HPSE2: variants seen among roughly 807,000 people sequenced by gnomAD.
HPSE2 encodes the protein inactive heparanase-2.
Under a neutral mutation model 60.5 loss-of-function variants are expected in HPSE2, and 38 were observed. That is an observed-to-expected ratio of 0.63 (90% confidence interval 0.48 to 0.82). The LOEUF (loss-of-function observed/expected upper bound fraction) is 0.82, where lower values mean the gene tolerates loss of function less well. Ranked by LOEUF, HPSE2 falls within the 40% of genes least tolerant of loss-of-function variation. The pLI is 0.00. For synonymous variants in HPSE2, 295 were observed against 293.2 expected (o/e 1.01, Z -0.06); for missense variants, 713 against 740.4 (o/e 0.96, Z 0.43).
chr10:99,117,434 A>C (rs1564820907), intron 3 of HPSE2, among the ~76,000 whole-genome samples: 1 of 135,256 alleles, frequency 7.4e-6, no homozygotes, highest in Non-Finnish European at 1.7e-5. Context: ...AAAAAAAAAA[A>C]AAAAAAAAAA....
At chr10:99,084,942 T>C (rs1348162373) in intron 3 of HPSE2, among the ~76,000 whole-genome samples, 1 of 152,236 alleles carries the variant, frequency 6.6e-6, no homozygotes, top group Non-Finnish European at 1.5e-5. Flanking sequence ...TAAATTTACA[T>C]ACGTCACACC....
chr10:98,747,752 T>C (rs564095237), intron 3 of HPSE2, among the ~76,000 whole-genome samples: 14 of 152,358 alleles, frequency 9.2e-5, no homozygotes, highest in African/African-American at 3.4e-4. Flanking sequence ...TGACATATTA[T>C]CTGTGACATA....
chr10:98,978,839 T>C (rs1956144559), intron 3 of HPSE2, among the ~76,000 whole-genome samples: 1 of 152,224 alleles, frequency 6.6e-6, no homozygotes, highest in Non-Finnish European at 1.5e-5. Flanking sequence ...ATAAAATTTA[T>C]TTGTAACCCT....
intron 3 of HPSE2, among the ~76,000 whole-genome samples, chr10:98,944,755 C>T (rs1276983766): frequency 2.0e-5 from 3 of 152,060 alleles, no homozygotes; most frequent in African/African-American, 7.2e-5. Context: ...AACAAGTATC[C>T]TCCTTCATTC....
At chr10:98,472,807 T>C (rs1177331517) in intron 11 of HPSE2, among the ~76,000 whole-genome samples, 1 of 139,704 alleles carries the variant, frequency 7.2e-6, no homozygotes, top group East Asian at 2.0e-4. Context: ...AATATTTCTG[T>C]ATGTCAAGAT....
the HPSE2 span, among the ~76,000 whole-genome samples, chr10:99,308,870 G>A: frequency 9.2e-5 from 14 of 152,258 alleles, no homozygotes; most frequent in South Asian, 1.0e-3. Flanking sequence ...CAAAATAGGC[G>A]ATTCTGATGA....
At chr10:98,845,801 G>A (rs1356762688) in intron 3 of HPSE2, among the ~76,000 whole-genome samples, 1 of 152,188 alleles carries the variant, frequency 6.6e-6, no homozygotes. Context: ...CTAAAATAAG[G>A]TTGGGAACTG....
chr10:99,228,305 T>C (rs1262046363), intron 2 of HPSE2, among the ~76,000 whole-genome samples: 1 of 152,180 alleles, frequency 6.6e-6, no homozygotes, highest in Non-Finnish European at 1.5e-5. Context: ...AGTTTGAACA[T>C]ATTATGTAAG....
At chr10:98,472,394 T>A (rs1461821350) in intron 11 of HPSE2, among the ~76,000 whole-genome samples, 1 of 152,170 alleles carries the variant, frequency 6.6e-6, no homozygotes, top group African/African-American at 2.4e-5. Context: ...GCAGCTTGTC[T>A]TTCCTGCTGA....
At chr10:98,938,235 C>G (rs567896456) in intron 3 of HPSE2, among the ~76,000 whole-genome samples, 1 of 144,872 alleles carries the variant, frequency 6.9e-6, no homozygotes, top group Admixed American at 6.8e-5. Flanking sequence ...CAAAGCTGGA[C>G]GGAGAATGAC....
At chr10:98,986,986 T>C (rs1379906423) in intron 3 of HPSE2, among the ~76,000 whole-genome samples, 2 of 152,028 alleles carry the variant, frequency 1.3e-5, no homozygotes, top group Non-Finnish European at 2.9e-5. Context: ...GGCTCCGAAA[T>C]CGAGGCAATA....
At chr10:99,303,616 C>G in the HPSE2 span, among the ~76,000 whole-genome samples, 1 of 152,142 alleles carries the variant, frequency 6.6e-6, no homozygotes, top group Non-Finnish European at 1.5e-5. Context: ...GTTGGGTACA[C>G]CCGTCCAGGA....
chr10:98,490,277 ACACACACAC>A, intron 9 of HPSE2, 81 bp from the exon 10 acceptor site: 4 of 1,386,746 alleles, frequency 2.9e-6, no homozygotes, highest in Non-Finnish European at 4.1e-6. Context: ...ACACACACAC[ACACACACAC>A]ACACACGGGC....
chr10:98,750,037 C>A (rs567643799), intron 3 of HPSE2, among the ~76,000 whole-genome samples: 7 of 150,378 alleles, frequency 4.7e-5, no homozygotes, highest in African/African-American at 1.7e-4. Context: ...ATGTGGCTGG[C>A]AGGAGAAGTA....
intron 3 of HPSE2, among the ~76,000 whole-genome samples, chr10:99,121,296 T>C (rs1844943087): frequency 6.6e-6 from 1 of 151,510 alleles, no homozygotes; most frequent in Non-Finnish European, 1.5e-5. Context: ...TATCAGAGGG[T>C]GGAGGGTGGG....
intron 3 of HPSE2, among the ~76,000 whole-genome samples, chr10:98,848,401 G>A (rs550820196): frequency 1.9e-4 from 29 of 151,208 alleles, no homozygotes; most frequent in African/African-American, 7.0e-4. Flanking sequence ...CTGGGTGACA[G>A]ATTGAGACTC....
At chr10:99,041,991 C>G (rs1008737141) in intron 3 of HPSE2, among the ~76,000 whole-genome samples, 5 of 152,156 alleles carry the variant, frequency 3.3e-5, no homozygotes, top group African/African-American at 9.7e-5. Flanking sequence ...CATATTTGTA[C>G]ACACAGACCT....
intron 3 of HPSE2, among the ~76,000 whole-genome samples, chr10:98,923,892 G>A (rs758823797): frequency 2.7e-4 from 41 of 151,948 alleles, no homozygotes; most frequent in Middle Eastern, 3.4e-3. Flanking sequence ...TATCTCTCTG[G>A]GATTGATCCC....
chr10:98,762,963 CAT>C (rs1175447929), intron 3 of HPSE2, among the ~76,000 whole-genome samples: 1 of 151,954 alleles, frequency 6.6e-6, no homozygotes, highest in Non-Finnish European at 1.5e-5. Context: ...TAGTGATGAA[CAT>C]GTTTTAAATG....
Sources: allele counts gnomAD v4.1 joint callset (sites outside exome capture counted in the v4.1 genomes callset), GRCh38; gene constraint gnomAD v4.1.1; transcripts MANE v1.5; gene names NCBI Gene and HGNC (gene_info 2026-07-23, HGNC 2026-07-21).